Variants in CAST observed in about 807,000 individuals in gnomAD.
The protein encoded by CAST is calpastatin.
In CAST, 76 loss-of-function variants were observed where a neutral mutation model predicts 119.6. The ratio of observed to expected loss-of-function variants is 0.64; its 90% CI spans 0.53 to 0.77. The LOEUF is 0.77. Ranked by LOEUF, CAST falls within the 30% of genes least tolerant of loss-of-function variation. The pLI is 0.00. For synonymous variants in CAST, 319 were observed against 331.6 expected, an observed-to-expected ratio of 0.96 and a Z score of 0.41; for missense variants, 953 against 946.5, an observed-to-expected ratio of 1.01 and a Z score of -0.09.
the CAST span, among the ~76,000 whole-genome samples, chr5:96,331,717 C>G: frequency 5.3e-5 from 8 of 152,192 alleles, no homozygotes; most frequent in African/African-American, 1.9e-4. Context: ...GACAACATTA[C>G]ATATTTACTG....
At chr5:96,459,821 T>G in the CAST span, among the ~76,000 whole-genome samples, 6 of 152,198 alleles carry the variant, frequency 3.9e-5, no homozygotes, top group African/African-American at 1.4e-4. Context: ...TTTTCGGATT[T>G]TACTGCAGAT....
At chr5:96,635,702 A>G (rs987463913) in intron 1 of CAST, among the ~76,000 whole-genome samples, 1 of 152,228 alleles carries the variant, frequency 6.6e-6, no homozygotes, top group Non-Finnish European at 1.5e-5. Flanking sequence ...GTCAATGTTC[A>G]TAGCCAATTT....
the CAST span, among the ~76,000 whole-genome samples, chr5:96,173,289 A>T: frequency 6.6e-6 from 1 of 152,200 alleles, no homozygotes; most frequent in Non-Finnish European, 1.5e-5. Flanking sequence ...AGGAGCAGGA[A>T]CTCTATGCCA....
intron 1 of CAST, among the ~76,000 whole-genome samples, chr5:96,603,348 C>A (rs1747192138): frequency 6.6e-6 from 1 of 152,094 alleles, no homozygotes; most frequent in South Asian, 2.1e-4. Context: ...AAAATGTTTT[C>A]TTTCTTTATA....
At chr5:96,191,957 C>T in the CAST span, among the ~76,000 whole-genome samples, 20 of 152,152 alleles carry the variant, frequency 1.3e-4, no homozygotes, top group Middle Eastern at 6.8e-3. Flanking sequence ...GGCTGAATTA[C>T]GAAATTCTGA....
At chr5:96,053,367 C>G in the CAST span, among the ~76,000 whole-genome samples, 1 of 152,262 alleles carries the variant, frequency 6.6e-6, no homozygotes, top group Middle Eastern at 3.4e-3. Context: ...TTTGCATTAC[C>G]TATAATTTGA....
chr5:96,533,011 G>A (rs1422838203), intron 1 of CAST, among the ~76,000 whole-genome samples: 1 of 139,370 alleles, frequency 7.2e-6, no homozygotes, highest in Non-Finnish European at 1.5e-5. Flanking sequence ...GGTGACAGAG[G>A]GAGACCTGGT....
At chr5:96,053,147 A>G in the CAST span, among the ~76,000 whole-genome samples, 1 of 152,184 alleles carries the variant, frequency 6.6e-6, no homozygotes, top group Non-Finnish European at 1.5e-5. Flanking sequence ...GGTCTATTCC[A>G]GTGGTTCTCA....
the CAST span, among the ~76,000 whole-genome samples, chr5:96,334,859 A>G: frequency 1.3e-5 from 2 of 152,186 alleles, no homozygotes; most frequent in African/African-American, 2.4e-5. Context: ...TATAAATGCA[A>G]TATCAAAAAT....
the CAST span, among the ~76,000 whole-genome samples, chr5:96,193,606 A>G: frequency 6.6e-6 from 1 of 152,220 alleles, no homozygotes; most frequent in African/African-American, 2.4e-5. Context: ...AAGATACTAA[A>G]ATCAATCTGA....
the CAST span, among the ~76,000 whole-genome samples, chr5:96,006,471 T>C: frequency 7.9e-5 from 12 of 152,326 alleles, no homozygotes; most frequent in Admixed American, 7.2e-4. Flanking sequence ...ATGCAGCCTG[T>C]AGGCCCAGGT....
At chr5:96,559,948 C>T (rs1170025981) in intron 1 of CAST, among the ~76,000 whole-genome samples, 2 of 152,172 alleles carry the variant, frequency 1.3e-5, no homozygotes, top group Non-Finnish European at 2.9e-5. Context: ...TACCTGCCTT[C>T]AAACTATACT....
chr5:96,059,953 CCTAGT>C, the CAST span, among the ~76,000 whole-genome samples: 1 of 151,932 alleles, frequency 6.6e-6, no homozygotes, highest in Admixed American at 6.6e-5. Flanking sequence ...CATTTATCAG[CCTAGT>C]CTAATAAATG....
At chr5:96,092,287 C>A in the CAST span, among the ~76,000 whole-genome samples, 6 of 152,082 alleles carry the variant, frequency 3.9e-5, no homozygotes, top group Non-Finnish European at 7.4e-5. Flanking sequence ...ATCCTCAAGA[C>A]CACTGGAAAA....
the CAST span, among the ~76,000 whole-genome samples, chr5:96,000,243 AG>A: frequency 6.6e-6 from 1 of 152,136 alleles, no homozygotes; most frequent in Non-Finnish European, 1.5e-5. Context: ...TAGTTACAAA[AG>A]TTTTAAATTT....
the CAST span, among the ~76,000 whole-genome samples, chr5:96,474,367 C>T: frequency 9.0e-5 from 13 of 144,320 alleles, no homozygotes; most frequent in South Asian, 4.8e-4. Flanking sequence ...CTAGAACTTC[C>T]GTGTCATCCA....
the CAST span, among the ~76,000 whole-genome samples, chr5:96,371,164 G>A: frequency 6.6e-6 from 1 of 152,152 alleles, no homozygotes; most frequent in Non-Finnish European, 1.5e-5. Flanking sequence ...CTGTAGCATG[G>A]AACTAAGTAA....
the CAST span, among the ~76,000 whole-genome samples, chr5:96,270,598 A>T: frequency 6.6e-6 from 1 of 152,188 alleles, no homozygotes; most frequent in Non-Finnish European, 1.5e-5. Flanking sequence ...CAGCAAACTA[A>T]CACAGGAACA....
intron 16 of CAST, 145 bp from the exon 17 acceptor site, chr5:96,746,197 G>A (rs1763720724): frequency 1.6e-6 from 1 of 639,136 alleles, no homozygotes; most frequent in Non-Finnish European, 2.9e-6. Flanking sequence ...CCATCGTCTT[G>A]TGCTTTGTAG....
Sources: allele counts gnomAD v4.1 joint callset (sites outside exome capture counted in the v4.1 genomes callset), GRCh38; gene constraint gnomAD v4.1.1; transcripts MANE v1.5; gene names NCBI Gene and HGNC (gene_info 2026-07-23, HGNC 2026-07-21).